Variants in CLSTN3 observed in about 807,000 individuals in gnomAD.
CLSTN3 encodes calsyntenin-3.
Under a neutral mutation model 95.9 loss-of-function variants are expected in CLSTN3, and 36 were observed. The observed-to-expected ratio is 0.38, with a 90% CI of 0.29 to 0.50. CLSTN3 has a LOEUF of 0.50. CLSTN3 is among the 20% of genes least tolerant of loss of function. The pLI, the probability that CLSTN3 is intolerant of heterozygous loss-of-function variation, is 0.95. For synonymous variants in CLSTN3, 481 were observed against 504.0 expected, an observed-to-expected ratio of 0.95 and a Z score of 0.61; for missense variants, 1,084 against 1,268.8, an observed-to-expected ratio of 0.85 and a Z score of 2.21.
At position 7,137,411 on chromosome 12, in the gene CLSTN3, A is replaced by C; in HGVS notation, c.1210+301A>C. 2.6e-6 allele frequency: 1 copy of C among 388,492 alleles called. No homozygotes were observed. Among genetic ancestry groups the C allele is most frequent in the Non-Finnish European group, 4.8e-6 (1 of 208,206 alleles). The allele number at this position is 388,492 out of a possible 1,614,324, so 24.1% of individuals were successfully genotyped here. ...CACCCCCCATCTCCACCTCCATTAAAGCCCCTCCATTGCAATGGGAAAGCC... is the reference window on the plus strand; with the variant it reads ...CACCCCCCATCTCCACCTCCATTAACGCCCCTCCATTGCAATGGGAAAGCC... On this transcript the variant is annotated intron_variant, in intron 7 of 17. Transcript: ENST00000266546. The surrounding 1 kb of genome is among the most constrained non-coding windows in gnomAD (Gnocchi z 4.4).
At chr12:7,130,250 T>C, upstream of CLSTN3, 1 of 501,274 alleles carries the variant, frequency 2.0e-6, no homozygotes, top group South Asian at 2.5e-5. Flanking sequence ...CTTGAAACTC[T>C]CCAGCCCCGA....
Position 7,133,172 on chromosome 12 carries a change from G to C in CLSTN3, c.187+26G>C. ...GTAATTGGGATTGGGGGATGGCAAG[G>C]CAGGGTAGGACAGAGAAAAGTGGGT... On this transcript the variant is annotated intron_variant, in intron 2 of 17. Transcript: ENST00000266546. This position sits in a 1 kb window ranked among gnomAD's most constrained non-coding sequence, Gnocchi z 4.7. 3 of 1,613,640 alleles carry C rather than the reference G, an allele frequency of 1.9e-6. No individual in the cohort carries two copies. The highest frequency in any genetic ancestry group is 2.5e-6 in the Non-Finnish European group (3 of 1,179,790).
At chr12:7,154,628 A>G (rs112720493) in intron 16 of CLSTN3, among the ~76,000 whole-genome samples, 5 of 150,736 alleles carry the variant, frequency 3.3e-5, no homozygotes, top group African/African-American at 1.2e-4. Flanking sequence ...AGCTTTAAAA[A>G]CTCTCGGCAC....
chr12:7,157,954 G>A lies in CLSTN3; in HGVS notation c.2744G>A (p.Arg915Gln), dbSNP rs1195761377. 5 of 1,550,984 alleles carry A rather than the reference G, an allele frequency of 3.2e-6. No homozygotes were observed. Among genetic ancestry groups the A allele is most frequent in the Admixed American group, 3.9e-5 (2 of 50,976 alleles). ...IVNPMESYQNRQSCVTGAVGG... is the reference protein window; with the variant it reads ...IVNPMESYQNQQSCVTGAVGG... The stretch of plus-strand genomic sequence containing the variant: ...CCTGCCCTCCAGTCCTACCAGAATC[G>A]GCAGTCCTGTGTGACGGGGGCTGTT... Residue 915 changes from arginine to glutamine, a missense_variant, in exon 18 of 18, where the codon CGG becomes CAG. Coordinates refer to ENST00000266546, the MANE Select transcript of CLSTN3 (RefSeq NM_014718.4). The surrounding 1 kb of genome is among the most constrained non-coding windows in gnomAD (Gnocchi z 5.9).
rs771417434 is a variant in CLSTN3, at chr12:7,158,070, C to T, written c.2860C>T (p.His954Tyr). The T allele has an allele frequency of 1.3e-6, 2 of 1,534,234 alleles. No homozygotes were observed. Among genetic ancestry groups the T allele is most frequent in the Non-Finnish European group, 1.8e-6 (2 of 1,136,932 alleles). Residue 954 changes from histidine to tyrosine, a missense_variant, in exon 18 of 18, where the codon CAC becomes TAC. Coordinates refer to ENST00000266546, the MANE Select transcript of CLSTN3 (RefSeq NM_014718.4). ...GAGACGCATCATCGAGACCCCCCCA[C>T]ACCGCTACTAAGGCCTACACCTCTC... ...DERRIIETPP[H>Y]RY is the part of the protein sequence containing the mutation.
rs1342083523 is a variant in CLSTN3 at position 7,130,701 on chromosome 12, C to T, written c.53C>T (p.Ser18Phe). ...LLLASLLASCSCNKANKHKPW... is the reference protein window; with the variant it reads ...LLLASLLASCFCNKANKHKPW... ...CTGGCCTCTCTGCTCGCGTCCTGCT[C>T]CTGTAACAAAGGTGAGTGAGGTGGG... The change falls in exon 1 of 18, where the codon TCC (serine) becomes TTC (phenylalanine). Residue 18 changes from serine (S) to phenylalanine (F), a missense_variant. By Grantham distance (155) the Ser-to-Phe change is radical. Coordinates refer to ENST00000266546, the MANE Select transcript of CLSTN3 (RefSeq NM_014718.4). The T allele has an allele frequency of 6.4e-7, 1 of 1,571,068 alleles. No individual in the cohort carries two copies. The highest frequency in any genetic ancestry group is 8.6e-7 in the Non-Finnish European group (1 of 1,156,852).
At chr12:7,129,924 G>A, upstream of CLSTN3, 1 of 535,324 alleles carries the variant, frequency 1.9e-6, no homozygotes, top group Non-Finnish European at 2.4e-6. The surrounding 1 kb of genome is among the most constrained non-coding windows in gnomAD (Gnocchi z 5.5). Flanking sequence ...TCGCAGCCCT[G>A]GGCTACAAAT....
rs748756154 is a variant in CLSTN3 at position 7,143,274 on chromosome 12, C to A, written c.1810C>A (p.Pro604Thr). 3 of 1,612,330 alleles carry A rather than the reference C, an allele frequency of 1.9e-6. No homozygotes were observed. The highest frequency in any genetic ancestry group is 2.2e-5 in the South Asian group (2 of 91,090). Residue 604 changes from proline (P) to threonine (T), a missense_variant, in exon 12 of 18, where the codon CCC (proline) becomes ACC (threonine). Coordinates refer to ENST00000266546, the MANE Select transcript of CLSTN3 (RefSeq NM_014718.4). ...CATGAACACTCTGCGCTTTGCCACG[C>A]CCGGCGTCAGGCCCCTGCGCCTCAC... ...AYMNTLRFAT[P>T]GVRPLRLTTA...
At chr12:7,138,492 T>A (rs916913829) in intron 8 of CLSTN3, among the ~76,000 whole-genome samples, 4 of 152,110 alleles carry the variant, frequency 2.6e-5, no homozygotes, top group Non-Finnish European at 4.4e-5. Flanking sequence ...AAATCTTGGT[T>A]AATATGTGTA....
chr12:7,141,353 A>G lies in CLSTN3; in HGVS notation c.1435A>G (p.Ile479Val), dbSNP rs1323692408. 6.2e-6 allele frequency: 10 copies of G among 1,614,014 alleles called. No individual in the cohort carries two copies. In the East Asian group the frequency reaches 1.8e-4, roughly 29 times the overall value. Residue 479 changes from isoleucine to valine, a missense_variant, in exon 9 of 18, where the codon ATC becomes GTC. Coordinates refer to ENST00000266546, the MANE Select transcript of CLSTN3 (RefSeq NM_014718.4). The surrounding 1 kb of genome is among the most constrained non-coding windows in gnomAD (Gnocchi z 4.1). ...TGCCCTCATCCATGACAATGGCCTC[A>G]TCCACCCACCCCGAAGGGAGCCTGC... ...DPALIHDNGL[I>V]HPPRREPALM...
At chr12:7,156,105 C>G (rs1024618111) in intron 16 of CLSTN3, 5 of 360,236 alleles carry the variant, frequency 1.4e-5, no homozygotes, top group Admixed American at 1.1e-4. Flanking sequence ...CTGCTGGTCT[C>G]TGTGTGTGTT....
intron 4 of CLSTN3, 80 bp downstream of exon 4, chr12:7,135,615 C>A: frequency 6.7e-7 from 1 of 1,492,346 alleles, no homozygotes; most frequent in Non-Finnish European, 9.3e-7. Context: ...GGGTTGCATT[C>A]TCCACTTTTG....
At chr12:7,132,628 C>T (rs1247356769) in intron 1 of CLSTN3, 1 of 482,254 alleles carries the variant, frequency 2.1e-6, no homozygotes, top group African/African-American at 1.9e-5. Context: ...TAATCTATCC[C>T]TTCCCTTTCC....
Position 7,135,243 on chromosome 12 carries a change from G to C in CLSTN3, c.384-84G>C, listed in dbSNP as rs1177125446. The stretch of plus-strand genomic sequence containing the variant: ...TACCGTATCGAGGCTGTACCTCGGT[G>C]TGCTGTATCAAGGCTGTATCTCAAT... On this transcript the variant is annotated intron_variant, in intron 3 of 17. Coordinates refer to ENST00000266546, the MANE Select transcript of CLSTN3 (RefSeq NM_014718.4). 45 of 1,306,572 alleles carry C rather than the reference G, an allele frequency of 3.4e-5. No homozygotes were observed. In the East Asian group the frequency reaches 9.4e-4, roughly 27 times the overall value. The allele number at this position is 1,306,572 out of a possible 1,614,324, so 80.9% of individuals were successfully genotyped here.
rs974705343 is a variant in CLSTN3 at position 7,157,859 on chromosome 12, C to T, written c.2731-82C>T. 5.9e-6 allele frequency: 9 copies of T among 1,530,254 alleles called. No homozygotes were observed. Among genetic ancestry groups the T allele is most frequent in the African/African-American group, 5.5e-5 (4 of 72,814 alleles). The allele number at this position is 1,530,254 out of a possible 1,614,324, so 94.8% of individuals were successfully genotyped here. ...GGGGGTACACAGGGGTTAAGGGGAC[C>T]GAGGGAAGTGTGGTCCCTGAAAGAG... On this transcript the variant is annotated intron_variant, in intron 17 of 17. Coordinates refer to ENST00000266546, the MANE Select transcript of CLSTN3 (RefSeq NM_014718.4). The surrounding 1 kb of genome is among the most constrained non-coding windows in gnomAD (Gnocchi z 5.9).
chr12:7,149,328 C>A lies in CLSTN3; in HGVS notation c.2074+130C>A. Reference sequence around the variant, plus strand: ...TGTGTTTGTTTGACTGAACAACTTACCTTTAAGAAGGAGAGCAAGTGGAAA... The same window carrying A: ...TGTGTTTGTTTGACTGAACAACTTAACTTTAAGAAGGAGAGCAAGTGGAAA... On this transcript the variant is annotated intron_variant, in intron 13 of 17. Transcript: ENST00000266546. This position sits in a 1 kb window ranked among gnomAD's most constrained non-coding sequence, Gnocchi z 4.5. The A allele has an allele frequency of 1.0e-6, 1 of 961,984 alleles. No individual in the cohort carries two copies. Among genetic ancestry groups the A allele is most frequent in the Non-Finnish European group, 1.6e-6 (1 of 638,766 alleles). The allele number at this position is 961,984 out of a possible 1,614,324, so 59.6% of individuals were successfully genotyped here.
At chr12:7,155,330 G>A (rs1032848290) in intron 16 of CLSTN3, among the ~76,000 whole-genome samples, 2 of 152,238 alleles carry the variant, frequency 1.3e-5, no homozygotes, top group African/African-American at 2.4e-5. Flanking sequence ...TGTAGATAGA[G>A]TGTCTGCATT....
At position 7,158,289 on chromosome 12, in the gene CLSTN3, A is replaced by G. The variant is rs944064772; in HGVS notation, c.*208A>G. The G allele has an allele frequency of 1.8e-6, 1 of 559,846 alleles. No homozygotes were observed. Among genetic ancestry groups the G allele is most frequent in the Non-Finnish European group, 3.0e-6 (1 of 328,544 alleles). The allele number at this position is 559,846 out of a possible 1,614,324, so 34.7% of individuals were successfully genotyped here. ...CCCCATCCCTCACTTCTGGGCTGTCATGCTCCTGGTGTGCCCCTTGCACTG... is the reference window on the plus strand; with the variant it reads ...CCCCATCCCTCACTTCTGGGCTGTCGTGCTCCTGGTGTGCCCCTTGCACTG... On this transcript the variant is annotated 3_prime_UTR_variant, in exon 18 of 18. Coordinates refer to ENST00000266546, the MANE Select transcript of CLSTN3 (RefSeq NM_014718.4).
Position 7,158,932 on chromosome 12 carries a change from GA to G in CLSTN3, c.*864del, listed in dbSNP as rs1273361961. ...CTAGGGTTTTCAAATAAAACAATCA[GA>G]AAAAAAAAAAAAGCTCTGTGAGGCG... On this transcript the variant is annotated 3_prime_UTR_variant, in exon 18 of 18. Coordinates refer to ENST00000266546, the MANE Select transcript of CLSTN3 (RefSeq NM_014718.4). The G allele has an allele frequency of 3.0e-3, 408 of 138,264 alleles. No homozygotes were observed. Among genetic ancestry groups the G allele is most frequent in the African/African-American group, 7.1e-3 (266 of 37,726 alleles). 8.6% of individuals were successfully genotyped at this position (138,264 alleles called of 1,614,324 possible). A position where few individuals can be genotyped will look rare whatever the true frequency, so the allele number is the denominator to read the frequency against.
Sources: allele counts gnomAD v4.1 joint callset (sites outside exome capture counted in the v4.1 genomes callset), GRCh38; gene constraint gnomAD v4.1.1; non-coding constraint Gnocchi (gnomAD v3.1); transcripts MANE v1.5; gene names NCBI Gene and HGNC (gene_info 2026-07-23, HGNC 2026-07-21).